The following RAB27A variants were observed in gnomAD, a reference collection of about 807,000 sequenced individuals.
RAB27A encodes the protein RAB27A, member RAS oncogene family.
A neutral mutation model predicts 20.8 loss-of-function variants in RAB27A; 17 were observed. That is an observed-to-expected ratio of 0.82 (90% confidence interval 0.56 to 1.23). The LOEUF is 1.23. Among genes scored for constraint, RAB27A ranks in the 50% most tolerant of loss-of-function variants. RAB27A has a pLI of 0.00. For synonymous variants in RAB27A, 85 were observed against 92.8 expected, an observed-to-expected ratio of 0.92 and a Z score of 0.48; for missense variants, 277 against 266.7, an observed-to-expected ratio of 1.04 and a Z score of -0.27.
intron 2 of RAB27A, among the ~76,000 whole-genome samples, chr15:55,306,752 G>A (rs2054998545): frequency 6.6e-6 from 1 of 152,178 alleles, no homozygotes. Flanking sequence ...AATATGTCTG[G>A]GACGCCGCAT....
intron 1 of RAB27A, among the ~76,000 whole-genome samples, chr15:55,279,233 G>A (rs972456719): frequency 2.6e-5 from 4 of 152,156 alleles, no homozygotes; most frequent in African/African-American, 7.2e-5. Flanking sequence ...CCCAGTGTCC[G>A]AGGCCTGTGA....
chr15:55,210,317 A>G (rs1894957518), intron 6 of RAB27A, among the ~76,000 whole-genome samples: 1 of 149,958 alleles, frequency 6.7e-6, no homozygotes, highest in Non-Finnish European at 1.5e-5. Flanking sequence ...TTTTCTCCAC[A>G]GTGCTTATGC....
chr15:55,252,038 G>A (rs1296888393), intron 2 of RAB27A, among the ~76,000 whole-genome samples: 1 of 152,076 alleles, frequency 6.6e-6, no homozygotes, highest in African/African-American at 2.4e-5. Context: ...TCAGACAGGT[G>A]TTCAAAGTCA....
At chr15:55,291,504 C>A (rs1354034209), upstream of RAB27A, among the ~76,000 whole-genome samples, 21 of 93,354 alleles carry the variant, frequency 2.2e-4, no homozygotes, top group African/African-American at 4.2e-5. Context: ...GAGCGAGACT[C>A]TGTTTCAAAA....
At chr15:55,315,365 A>G (rs2055038416) in intron 1 of RAB27A, among the ~76,000 whole-genome samples, 3 of 152,192 alleles carry the variant, frequency 2.0e-5, no homozygotes, top group Admixed American at 6.5e-5. Flanking sequence ...AGACTTCATG[A>G]CAAGGCCACC....
chr15:55,301,473 G>A (rs2054971613), intron 2 of RAB27A, among the ~76,000 whole-genome samples: 1 of 151,866 alleles, frequency 6.6e-6, no homozygotes, highest in Non-Finnish European at 1.5e-5. Context: ...CCTTAAAAGT[G>A]TACAATTCAG....
intron 1 of RAB27A, among the ~76,000 whole-genome samples, chr15:55,273,007 AAAAG>A (rs1326804554): frequency 1.5e-4 from 23 of 152,310 alleles, no homozygotes; most frequent in African/African-American, 5.3e-4. Flanking sequence ...AGAGAAGAAG[AAAAG>A]AAAGAACGAA....
At chr15:55,215,328 G>A (rs1032172276) in intron 6 of RAB27A, among the ~76,000 whole-genome samples, 5 of 152,172 alleles carry the variant, frequency 3.3e-5, no homozygotes, top group African/African-American at 1.2e-4. Context: ...ACCTGTGCAT[G>A]GAAGTTATCA....
chr15:55,274,825 T>TAGAGA (rs71105867), intron 1 of RAB27A, among the ~76,000 whole-genome samples: 14 of 134,792 alleles, frequency 1.0e-4, no homozygotes, highest in African/African-American at 3.8e-4. Context: ...TATATATATA[T>TAGAGA]GTATAGAGAG....
At chr15:55,225,874 CAG>C (rs78027956) in intron 5 of RAB27A, among the ~76,000 whole-genome samples, 9,225 of 152,018 alleles carry the variant, frequency 0.061, 342 homozygotes, top group South Asian at 0.14. Flanking sequence ...TAAAATGTAA[CAG>C]GGGTTAAAAG....
intron 2 of RAB27A, among the ~76,000 whole-genome samples, chr15:55,296,517 C>T (rs542163101): frequency 7.2e-5 from 11 of 151,742 alleles, no homozygotes; most frequent in Admixed American, 2.6e-4. Context: ...AACAAAAAAA[C>T]AAAGAAAAAC....
rs1023827158 is a variant in RAB27A, at chr15:55,204,169, T to G, written c.*1338A>C. 6.6e-6 allele frequency: 1 copy of G among 152,238 alleles called. No homozygotes were observed. Among genetic ancestry groups the G allele is most frequent in the African/African-American group, 2.4e-5 (1 of 41,470 alleles). The allele number at this position is 152,238 out of a possible 1,614,324, so 9.4% of individuals were successfully genotyped here. ...ATTAAGATCTCTGGAAGTTTTGATC[T>G]ACTTTATTCAAACCACTTTAATAAA... On this transcript the variant is annotated 3_prime_UTR_variant, in exon 7 of 7. Transcript: ENST00000336787.
chr15:55,211,321 T>A (rs1449961205), intron 6 of RAB27A, among the ~76,000 whole-genome samples: 1 of 152,176 alleles, frequency 6.6e-6, no homozygotes, highest in Non-Finnish European at 1.5e-5. Flanking sequence ...AGGGATTGCA[T>A]TGAGTCAGTA....
intron 6 of RAB27A, among the ~76,000 whole-genome samples, chr15:55,220,485 G>A (rs1895518303): frequency 6.6e-6 from 1 of 151,972 alleles, no homozygotes; most frequent in Non-Finnish European, 1.5e-5. Flanking sequence ...TGGCCAGGCT[G>A]GTCTAGAACT....
chr15:55,296,441 AG>A (rs2054949970), intron 2 of RAB27A, among the ~76,000 whole-genome samples: 1 of 152,008 alleles, frequency 6.6e-6, no homozygotes, highest in South Asian at 2.1e-4. Flanking sequence ...GGTTCCAGTG[AG>A]CCTAGATGCC....
chr15:55,239,688 G>A (rs1365215763), intron 2 of RAB27A, among the ~76,000 whole-genome samples: 1 of 152,104 alleles, frequency 6.6e-6, no homozygotes, highest in Non-Finnish European at 1.5e-5. Context: ...GATTCTGATT[G>A]GGGAAAACCT....
intron 6 of RAB27A, among the ~76,000 whole-genome samples, chr15:55,219,609 T>C (rs183539319): frequency 3.9e-5 from 6 of 152,336 alleles, no homozygotes; most frequent in Admixed American, 1.3e-4. Context: ...ACACTGAAGC[T>C]TGAGATCTAA....
intron 1 of RAB27A, among the ~76,000 whole-genome samples, chr15:55,272,717 C>G (rs1033300840): frequency 2.0e-5 from 3 of 152,140 alleles, no homozygotes; most frequent in Admixed American, 6.5e-5. Context: ...TGTTTTATTT[C>G]TTTTAGACAT....
At chr15:55,315,022 G>T (rs772657905) in intron 1 of RAB27A, among the ~76,000 whole-genome samples, 1 of 152,160 alleles carries the variant, frequency 6.6e-6, no homozygotes, top group Non-Finnish European at 1.5e-5. Flanking sequence ...ATACAAAAAG[G>T]CTATGGTAAC....
Sources: allele counts gnomAD v4.1 joint callset (sites outside exome capture counted in the v4.1 genomes callset), GRCh38; gene constraint gnomAD v4.1.1; transcripts MANE v1.5; gene names NCBI Gene and HGNC (gene_info 2026-07-23, HGNC 2026-07-21).